Variants in CYP2C8 observed in about 807,000 individuals in gnomAD.
CYP2C8 encodes cytochrome P450 2C8.
In CYP2C8, 51 loss-of-function variants were observed where a neutral mutation model predicts 41.3. The observed-to-expected ratio is 1.24, with a 90% CI of 0.99 to 1.56. The LOEUF (loss-of-function observed/expected upper bound fraction) is 1.56. Ranked by LOEUF, CYP2C8 falls within the 40% of genes most tolerant of loss-of-function variation. CYP2C8 has a pLI of 0.00. For synonymous variants in CYP2C8, 218 were observed against 205.8 expected, an observed-to-expected ratio of 1.06 and a Z score of -0.51; for missense variants, 651 against 579.9, an observed-to-expected ratio of 1.12 and a Z score of -1.26.
intron 3 of CYP2C8, 94 bp from the exon 4 acceptor site, chr10:95,065,054 A>ATTT (rs2033530954): frequency 2.9e-5 from 34 of 1,163,350 alleles, no homozygotes; most frequent in Non-Finnish European, 3.7e-5. Flanking sequence ...AGAAATTTTA[A>ATTT]ACAATATCTT....
chr10:95,060,551 G>GCA (rs1175559692), intron 4 of CYP2C8, among the ~76,000 whole-genome samples: 3 of 152,134 alleles, frequency 2.0e-5, no homozygotes, highest in African/African-American at 7.2e-5. Context: ...GGGCTGAGAT[G>GCA]ATGGGGTTTT....
At chr10:95,055,260 A>C (rs1390087112) in intron 5 of CYP2C8, among the ~76,000 whole-genome samples, 2 of 152,152 alleles carry the variant, frequency 1.3e-5, no homozygotes, top group East Asian at 3.9e-4. Context: ...AATAAAGACC[A>C]GTGGAATAAA....
At chr10:95,053,897 C>T (rs1027050412) in intron 5 of CYP2C8, among the ~76,000 whole-genome samples, 3 of 152,050 alleles carry the variant, frequency 2.0e-5, no homozygotes, top group Non-Finnish European at 4.4e-5. Context: ...CAAACCTGCA[C>T]ATTCTGCACA....
chr10:95,058,649 C>G, intron 4 of CYP2C8, 138 bp from the exon 5 acceptor site: 1 of 769,730 alleles, frequency 1.3e-6, no homozygotes, highest in Non-Finnish European at 2.1e-6. Flanking sequence ...TACATATATA[C>G]ATTTTTTATT....
rs187301021 is a variant in CYP2C8, at chr10:95,056,588, T to C, written c.819+1747A>G. Among the ~76,000 whole-genome samples, 296 of 152,240 alleles carry C rather than the reference T, an allele frequency of 1.9e-3. 2 individuals are homozygous for C. Among genetic ancestry groups the C allele is most frequent in the Non-Finnish European group, 2.8e-3 (191 of 67,998 alleles). On this transcript the variant is annotated intron_variant, in intron 5 of 8. Transcript: ENST00000371270. ...AACCACACAAAACAACAAAGTACTA[T>C]CACATGCTAAATCTTAGTTGACCCT...
At chr10:95,066,153 A>AGAGAGAGAGAGAGAGAGAGAGT in intron 3 of CYP2C8, among the ~76,000 whole-genome samples, 3 of 88,272 alleles carry the variant, frequency 3.4e-5, no homozygotes, top group South Asian at 8.3e-4. Context: ...AGAGAGAGAG[A>AGAGAGAGAGAGAGAGAGAGAGT]GTGTGTGTGT....
intron 1 of CYP2C8, chr10:95,068,685 T>C: frequency 8.8e-6 from 9 of 1,024,246 alleles, no homozygotes; most frequent in South Asian, 1.3e-5. Flanking sequence ...ATTAAATGAT[T>C]ATATAATACA....
chr10:95,041,112 T>C (rs1474160093), intron 7 of CYP2C8, among the ~76,000 whole-genome samples: 1 of 152,212 alleles, frequency 6.6e-6, no homozygotes, highest in Non-Finnish European at 1.5e-5. Flanking sequence ...TACAATCATA[T>C]AAATAGATGC....
At chr10:95,062,998 C>G (rs574267107) in intron 4 of CYP2C8, among the ~76,000 whole-genome samples, 1 of 152,264 alleles carries the variant, frequency 6.6e-6, no homozygotes, top group African/African-American at 2.4e-5. Context: ...GAGTTTCTGC[C>G]GAGAGATCCG....
In CYP2C8 at chr10:95,037,160, G is replaced by A. The variant is rs376016142; in HGVS notation, c.1441C>T (p.Pro481Ser). ...GGGATGAAGCAGATCTGGTATGAGG[G>A]TGGCAGAGAAACAATCCCTTTGGTA... The part of the protein sequence containing the change: ...AVTKGIVSLP[P>S]SYQICFIPV Residue 481 changes from proline (P) to serine (S), a missense_variant, in exon 9 of 9, where the codon CCC (proline) becomes TCC (serine). By Grantham distance (74) the Pro-to-Ser change is moderately conservative (BLOSUM62 -1). Transcript: ENST00000371270. 14 of 1,613,982 alleles carry A rather than the reference G, an allele frequency of 8.7e-6. No individual in the cohort carries two copies. The Middle Eastern group carries it at 8.2e-4, about 95-fold the overall frequency.
intron 6 of CYP2C8, among the ~76,000 whole-genome samples, chr10:95,044,332 A>G (rs1000101356): frequency 2.0e-5 from 3 of 152,190 alleles, no homozygotes; most frequent in African/African-American, 4.8e-5. Flanking sequence ...GAATGCTGAT[A>G]TTTTATATAT....
chr10:95,068,554 G>T (rs1304751437), intron 1 of CYP2C8: 6 of 1,264,534 alleles, frequency 4.7e-6, no homozygotes, highest in Non-Finnish European at 6.2e-6. Context: ...GACTACTATA[G>T]TAGAGAACTT....
Position 95,043,095 on chromosome 10 carries a change from A to G in CYP2C8, c.962-18T>C. Reference sequence around the variant, plus strand: ...GACTTTAGCTGACAAGACACAAGAAAGAACTGATGGAAACGAAGATATATG... The same window carrying G: ...GACTTTAGCTGACAAGACACAAGAAGGAACTGATGGAAACGAAGATATATG... On this transcript the variant is annotated intron_variant, in intron 6 of 8. Transcript: ENST00000371270. 6.2e-7 allele frequency: 1 copy of G among 1,613,482 alleles called. No homozygotes were observed. The highest frequency in any genetic ancestry group is 1.1e-5 in the South Asian group (1 of 91,078).
intron 5 of CYP2C8, among the ~76,000 whole-genome samples, chr10:95,054,708 A>G (rs1488106838): frequency 6.6e-6 from 1 of 152,154 alleles, no homozygotes; most frequent in Non-Finnish European, 1.5e-5. Flanking sequence ...TTTTCAGCTT[A>G]ATTTTAGGAT....
At chr10:95,047,742 T>C (rs1031520984) in intron 5 of CYP2C8, among the ~76,000 whole-genome samples, 9 of 152,168 alleles carry the variant, frequency 5.9e-5, no homozygotes, top group Non-Finnish European at 2.9e-5. Context: ...TTCTCATAAA[T>C]TGAAAGTGTG....
At chr10:95,068,673 G>A (rs1474992691) in intron 1 of CYP2C8, 4 of 1,167,752 alleles carry the variant, frequency 3.4e-6, no homozygotes, top group Admixed American at 4.6e-5. Flanking sequence ...TTTTGCCACT[G>A]TATTAAATGA....
At chr10:95,061,629 C>A (rs1001278309) in intron 4 of CYP2C8, among the ~76,000 whole-genome samples, 23 of 152,094 alleles carry the variant, frequency 1.5e-4, no homozygotes, top group African/African-American at 5.6e-4. Context: ...TTTTTTGTGT[C>A]TCTATTTCCT....
At chr10:95,046,477 C>A (rs2033111371) in intron 5 of CYP2C8, among the ~76,000 whole-genome samples, 1 of 152,114 alleles carries the variant, frequency 6.6e-6, no homozygotes, top group Non-Finnish European at 1.5e-5. Context: ...AGAACTACCC[C>A]ACTCTTGCAA....
rs1377641840 is a variant in CYP2C8 at position 95,058,576 on chromosome 10, T to C, written c.643-65A>G. The C allele has an allele frequency of 2.9e-6, 4 of 1,381,184 alleles. No homozygotes were observed. In the African/African-American group the frequency reaches 4.3e-5, roughly 15 times the overall value. The allele number at this position is 1,381,184 out of a possible 1,614,324, so 85.6% of individuals were successfully genotyped here. The stretch of plus-strand genomic sequence containing the variant: ...GATATATGTATCTTACACCAAGCCC[T>C]GATTGAAATTATAACTATAAATATG... On this transcript the variant is annotated intron_variant, in intron 4 of 8. Transcript: ENST00000371270.
Sources: gnomAD v4.1 joint callset for allele counts (sites outside exome capture counted in the v4.1 genomes callset) on GRCh38, gnomAD v4.1.1 for gene constraint, MANE v1.5 for transcripts, NCBI Gene and HGNC (gene_info 2026-07-23, HGNC 2026-07-21) for gene names.